NYAP2: variants seen among roughly 807,000 people sequenced by gnomAD.
NYAP2 encodes neuronal tyrosine-phosphorylated phosphoinositide-3-kinase adaptor 2, also known as neuronal tyrosine-phosphorylated phosphoinositide-3-kinase adapter 2.
In NYAP2, 23 loss-of-function variants were observed where a neutral mutation model predicts 50.4. That is an observed-to-expected ratio of 0.46 (90% CI 0.33 to 0.65). The LOEUF is 0.65. NYAP2 is among the 30% of genes least tolerant of loss of function. The pLI is 0.02. For missense variants in NYAP2, 885 were observed against 861.0 expected, an observed-to-expected ratio of 1.03 and a Z score of -0.35; for synonymous variants, 394 against 365.2, an observed-to-expected ratio of 1.08 and a Z score of -0.90.
chr2:225,521,789 A>T (rs978526714), intron 4 of NYAP2, among the ~76,000 whole-genome samples: 1 of 152,058 alleles, frequency 6.6e-6, no homozygotes, highest in African/African-American at 2.4e-5. Context: ...CTAACCTCAT[A>T]AAATGAGTTA....
At chr2:225,635,277 T>C (rs1178756852) in intron 6 of NYAP2, among the ~76,000 whole-genome samples, 1 of 152,202 alleles carries the variant, frequency 6.6e-6, no homozygotes, top group Non-Finnish European at 1.5e-5. Context: ...TTTTTTAGTG[T>C]GTAAGTAAAT....
chr2:225,550,070 T>C (rs1251492855), intron 4 of NYAP2, among the ~76,000 whole-genome samples: 1 of 150,874 alleles, frequency 6.6e-6, no homozygotes, highest in African/African-American at 2.4e-5. Context: ...CTCAGTCAAA[T>C]GTAAGAGAAC....
chr2:225,554,889 A>G (rs765387340), intron 4 of NYAP2, among the ~76,000 whole-genome samples: 2 of 152,184 alleles, frequency 1.3e-5, no homozygotes, highest in African/African-American at 4.8e-5. Flanking sequence ...ATTTTACTAT[A>G]TATGTATATT....
At chr2:225,403,440 A>G (rs1694893923) in intron 2 of NYAP2, among the ~76,000 whole-genome samples, 1 of 151,990 alleles carries the variant, frequency 6.6e-6, no homozygotes, top group African/African-American at 2.4e-5. Context: ...GGTCACAATT[A>G]GCATTATAAT....
chr2:225,692,866 AACATACAC>A, the NYAP2 span, among the ~76,000 whole-genome samples: 7 of 147,912 alleles, frequency 4.7e-5, no homozygotes, highest in East Asian at 2.0e-4. Flanking sequence ...CTTATCTTTA[AACATACAC>A]ACACACACAC....
intron 3 of NYAP2, among the ~76,000 whole-genome samples, chr2:225,493,483 C>T (rs111948717): frequency 1.8e-4 from 27 of 152,248 alleles, no homozygotes; most frequent in African/African-American, 5.5e-4. Flanking sequence ...GGAGATTTTA[C>T]AGAAATGTGT....
downstream of NYAP2, among the ~76,000 whole-genome samples, chr2:225,654,828 C>T (rs895294307): frequency 2.6e-5 from 4 of 152,348 alleles, no homozygotes; most frequent in South Asian, 4.1e-4. Flanking sequence ...CATTACCCTT[C>T]GTACAAAAAG....
the NYAP2 span, among the ~76,000 whole-genome samples, chr2:225,697,727 T>A: frequency 1.3e-5 from 2 of 152,010 alleles, no homozygotes; most frequent in Non-Finnish European, 2.9e-5. Context: ...GTAAAAGATT[T>A]AATTTTCATA....
At chr2:225,490,569 C>A (rs181298498) in intron 3 of NYAP2, among the ~76,000 whole-genome samples, 80 of 152,204 alleles carry the variant, frequency 5.3e-4, no homozygotes, top group African/African-American at 1.9e-3. Flanking sequence ...TACAGCAAGG[C>A]CTCCTGGATG....
At chr2:225,685,771 T>G in the NYAP2 span, among the ~76,000 whole-genome samples, 1 of 152,186 alleles carries the variant, frequency 6.6e-6, no homozygotes, top group Non-Finnish European at 1.5e-5. Context: ...AACATAGTTT[T>G]TAAAATATAT....
chr2:225,523,415 A>C (rs73084704), intron 4 of NYAP2, among the ~76,000 whole-genome samples: 5,042 of 152,072 alleles, frequency 0.033, 273 homozygotes, highest in African/African-American at 0.11. Flanking sequence ...ACATCAATAA[A>C]ATTTTATATG....
the NYAP2 span, among the ~76,000 whole-genome samples, chr2:225,673,026 G>T: frequency 2.0e-5 from 3 of 151,502 alleles, no homozygotes; most frequent in Non-Finnish European, 4.4e-5. Flanking sequence ...AAAAAAAAAA[G>T]AGGTTTAATG....
At chr2:225,530,575 G>T (rs886652979) in intron 4 of NYAP2, among the ~76,000 whole-genome samples, 2 of 151,932 alleles carry the variant, frequency 1.3e-5, no homozygotes, top group African/African-American at 4.8e-5. Context: ...TCTCCTTGAG[G>T]GTGTCTGTTG....
At chr2:225,537,418 A>C (rs192480249) in intron 4 of NYAP2, among the ~76,000 whole-genome samples, 3 of 152,184 alleles carry the variant, frequency 2.0e-5, no homozygotes. Flanking sequence ...ACAGTTCCAC[A>C]TGGCTGGGGA....
At chr2:225,666,424 T>C in the NYAP2 span, among the ~76,000 whole-genome samples, 1 of 152,262 alleles carries the variant, frequency 6.6e-6, no homozygotes, top group South Asian at 2.1e-4. Context: ...CCCAGCGTGG[T>C]CAGGGTGAAG....
intron 3 of NYAP2, among the ~76,000 whole-genome samples, chr2:225,506,545 G>A (rs1385456792): frequency 6.6e-6 from 1 of 152,190 alleles, no homozygotes; most frequent in Non-Finnish European, 1.5e-5. Flanking sequence ...CCTAGAAAAG[G>A]CCATTCTGCT....
chr2:225,420,931 T>C (rs1036571695), intron 3 of NYAP2, among the ~76,000 whole-genome samples: 1 of 152,150 alleles, frequency 6.6e-6, no homozygotes, highest in Non-Finnish European at 1.5e-5. Flanking sequence ...TTTACTTTTT[T>C]GAATTTTTTG....
chr2:225,620,917 C>T (rs1003811757), intron 5 of NYAP2, among the ~76,000 whole-genome samples: 10 of 152,096 alleles, frequency 6.6e-5, no homozygotes, highest in Admixed American at 1.3e-4. Context: ...AGATCGAGAC[C>T]ATTCTGGCTA....
At chr2:225,503,523 T>C (rs1000646575) in intron 3 of NYAP2, among the ~76,000 whole-genome samples, 2 of 152,226 alleles carry the variant, frequency 1.3e-5, no homozygotes, top group Non-Finnish European at 2.9e-5. Context: ...AAGCATTATA[T>C]TTCTGTCCTG....
Sources: allele counts gnomAD v4.1 joint callset (sites outside exome capture counted in the v4.1 genomes callset), GRCh38; gene constraint gnomAD v4.1.1; transcripts MANE v1.5; gene names NCBI Gene and HGNC (gene_info 2026-07-23, HGNC 2026-07-21).